Variants in DSCAM observed in about 807,000 individuals in gnomAD.
DSCAM encodes the protein cell adhesion molecule DSCAM.
Under a neutral mutation model 217.7 loss-of-function variants are expected in DSCAM, and 47 were observed. The observed-to-expected ratio is 0.22, with a 90% confidence interval of 0.17 to 0.28. The LOEUF (loss-of-function observed/expected upper bound fraction) is 0.28. Ranked by LOEUF, DSCAM falls within the 10% of genes least tolerant of loss-of-function variation. DSCAM has a pLI of 1.00. For missense variants in DSCAM, 2,080 were observed against 2,618.3 expected (o/e 0.79, Z 4.49); for synonymous variants, 1,056 against 1,015.3 (o/e 1.04, Z -0.76).
chr21:40,548,395 G>C (rs1041642635), intron 3 of DSCAM, among the ~76,000 whole-genome samples: 1 of 151,950 alleles, frequency 6.6e-6, no homozygotes, highest in African/African-American at 2.4e-5. Context: ...ATCTTAAAGC[G>C]CCCACATCTG....
chr21:40,074,578 G>A (rs1002872134), intron 27 of DSCAM, among the ~76,000 whole-genome samples: 11 of 152,130 alleles, frequency 7.2e-5, no homozygotes, highest in East Asian at 1.9e-4. Flanking sequence ...TTCAGCTCCC[G>A]TTTCTAATTT....
chr21:40,562,384 G>A (rs1447643998), intron 3 of DSCAM, among the ~76,000 whole-genome samples: 3 of 152,104 alleles, frequency 2.0e-5, no homozygotes, highest in Non-Finnish European at 4.4e-5. Context: ...GTTTCCTGGG[G>A]CCTCCCTAGC....
intron 27 of DSCAM, among the ~76,000 whole-genome samples, chr21:40,068,362 G>A (rs1172714554): frequency 1.3e-5 from 2 of 152,150 alleles, no homozygotes; most frequent in Non-Finnish European, 2.9e-5. Context: ...CAAGTATTCA[G>A]TGGAGAAAAG....
chr21:40,564,690 T>C (rs459097), intron 3 of DSCAM, among the ~76,000 whole-genome samples: 120,498 of 152,128 alleles, frequency 0.79, 47,886 homozygotes, highest in African/African-American at 0.84. Flanking sequence ...AATGAGCACG[T>C]GAAACGGGAA....
chr21:40,096,475 A>G (rs900508052), intron 20 of DSCAM, among the ~76,000 whole-genome samples: 2 of 152,208 alleles, frequency 1.3e-5, no homozygotes, highest in African/African-American at 4.8e-5. Context: ...TTCACAACAC[A>G]TATTAATAAA....
intron 4 of DSCAM, among the ~76,000 whole-genome samples, chr21:40,362,347 T>C (rs1601586983): frequency 6.6e-6 from 1 of 152,220 alleles, no homozygotes; most frequent in African/African-American, 2.4e-5. Context: ...CATGTCATCA[T>C]TTAACTTGTT....
intron 3 of DSCAM, among the ~76,000 whole-genome samples, chr21:40,479,396 AG>A (rs2075963433): frequency 2.6e-5 from 4 of 152,200 alleles, no homozygotes; most frequent in Admixed American, 2.6e-4. Context: ...TAGTCCCCTT[AG>A]AAACATCTCA....
chr21:40,165,166 A>G (rs1224741995), intron 16 of DSCAM, among the ~76,000 whole-genome samples: 1 of 152,126 alleles, frequency 6.6e-6, no homozygotes, highest in Non-Finnish European at 1.5e-5. Context: ...GGCTAACGCT[A>G]TTTCTCCTTC....
chr21:40,453,993 G>T (rs1255145449), intron 3 of DSCAM, among the ~76,000 whole-genome samples: 2 of 152,138 alleles, frequency 1.3e-5, no homozygotes, highest in Non-Finnish European at 2.9e-5. Flanking sequence ...ATGGGAACAA[G>T]GTTCACGAGT....
At chr21:40,815,279 G>T (rs760630939) in intron 1 of DSCAM, among the ~76,000 whole-genome samples, 3 of 151,948 alleles carry the variant, frequency 2.0e-5, no homozygotes, top group Non-Finnish European at 2.9e-5. Flanking sequence ...ACGAGATAAG[G>T]CTATTTTCCC....
intron 1 of DSCAM, among the ~76,000 whole-genome samples, chr21:40,779,031 A>G (rs1257495492): frequency 9.5e-6 from 1 of 105,568 alleles, no homozygotes; most frequent in East Asian, 2.7e-4. Flanking sequence ...TCTCAAAAAC[A>G]GAAAAAAAAA....
chr21:40,298,361 G>A (rs545841966), intron 9 of DSCAM, among the ~76,000 whole-genome samples: 5 of 152,040 alleles, frequency 3.3e-5, no homozygotes, highest in South Asian at 4.1e-4. Context: ...GATTACAGGC[G>A]TGAGCCACTG....
intron 2 of DSCAM, among the ~76,000 whole-genome samples, chr21:40,695,953 G>A: frequency 6.6e-6 from 1 of 152,056 alleles, no homozygotes. Context: ...CTCTCAGAGG[G>A]CCATGTGAGT....
At position 40,353,523 on chromosome 21, in the gene DSCAM, A is replaced by G; in HGVS notation, c.876T>C (p.Val292=). The change falls in exon 5 of 33, where the codon GTT becomes GTC. Residue 292 remains valine, a synonymous_variant. Transcript: ENST00000400454. ...NIRPSDSGSY[V]CEVSNRYGTA... is the part of the protein sequence containing the mutation. ...TTCCGTATCTGTTGGACACTTCACA[A>G]ACATAGCTGCCTGAGTCCGAGGGGC... is the stretch of plus-strand genomic sequence containing the variant. The G allele has an allele frequency of 6.2e-7, 1 of 1,612,342 alleles. No homozygotes were observed. The highest frequency in any genetic ancestry group is 8.5e-7 in the Non-Finnish European group (1 of 1,179,378).
Position 40,662,564 on chromosome 21 carries a change from G to C in DSCAM, c.508+30246C>G, listed in dbSNP as rs548756832. 3.9e-5 allele frequency among the ~76,000 whole-genome samples: 6 copies of C among 152,308 alleles called. No individual in the cohort carries two copies. In the South Asian group the frequency reaches 1.2e-3, roughly 32 times the overall value. Reference sequence around the variant, plus strand: ...CAAAGTTACCATTAGGATTAGCTTAGCTCTCTTTGAAGGCAATTAATGAGA... The same window carrying C: ...CAAAGTTACCATTAGGATTAGCTTACCTCTCTTTGAAGGCAATTAATGAGA... On this transcript the variant is annotated intron_variant, in intron 3 of 32. Transcript: ENST00000400454.
intron 3 of DSCAM, among the ~76,000 whole-genome samples, chr21:40,482,677 C>A (rs927299912): frequency 1.3e-5 from 2 of 152,186 alleles, no homozygotes; most frequent in African/African-American, 4.8e-5. Context: ...TGGACCCTGA[C>A]AGCAGAGGGC....
At chr21:40,390,084 G>C (rs999312591) in intron 3 of DSCAM, among the ~76,000 whole-genome samples, 17 of 152,324 alleles carry the variant, frequency 1.1e-4, no homozygotes, top group African/African-American at 3.8e-4. Context: ...CGCATGGACA[G>C]GGTGGGGCAA....
chr21:40,577,308 A>G (rs1047102787), intron 3 of DSCAM, among the ~76,000 whole-genome samples: 10 of 151,242 alleles, frequency 6.6e-5, no homozygotes, highest in Non-Finnish European at 8.8e-5. Flanking sequence ...CCAGAACCAG[A>G]ACAAAGTCAA....
intron 9 of DSCAM, among the ~76,000 whole-genome samples, chr21:40,310,943 A>T (rs1270374046): frequency 6.6e-6 from 1 of 150,936 alleles, no homozygotes; most frequent in Admixed American, 6.6e-5. Context: ...TCACCTGGAA[A>T]TTTTTTTTTT....
Sources: gnomAD v4.1 joint callset for allele counts (sites outside exome capture counted in the v4.1 genomes callset) on GRCh38, gnomAD v4.1.1 for gene constraint, MANE v1.5 for transcripts, NCBI Gene and HGNC (gene_info 2026-07-23, HGNC 2026-07-21) for gene names.